The following MAL2 variants were observed in gnomAD, a reference collection of about 807,000 sequenced individuals.
MAL2 encodes the protein mal, T cell differentiation protein 2, also known as protein MAL2.
In MAL2, 17 loss-of-function variants were observed where a neutral mutation model predicts 18.1. The ratio of observed to expected loss-of-function variants is 0.94; its 90% CI spans 0.64 to 1.41. The LOEUF (loss-of-function observed/expected upper bound fraction) is 1.41. Ranked by LOEUF, MAL2 falls within the 40% of genes most tolerant of loss-of-function variation. The probability of loss-of-function intolerance (pLI) is 0.00; values close to 1 mark genes in which losing one functional copy is unlikely to be tolerated. For synonymous variants in MAL2, 102 were observed against 102.3 expected, an observed-to-expected ratio of 1.00 and a Z score of 0.02; for missense variants, 222 against 231.9, an observed-to-expected ratio of 0.96 and a Z score of 0.28.
chr8:119,228,314 A>AAG (rs1817639375), intron 2 of MAL2, among the ~76,000 whole-genome samples: 2 of 152,226 alleles, frequency 1.3e-5, no homozygotes, highest in Admixed American at 1.3e-4. Flanking sequence ...TTTGGGGACA[A>AAG]GGACCCCTGA....
At position 119,221,697 on chromosome 8, in the gene MAL2, C is replaced by T. The variant is rs1227520071; in HGVS notation, c.243C>T (p.Leu81=). The stretch of plus-strand genomic sequence containing the variant: ...TGACAGCGTTTTTCTTTTCGCTCCT[C>T]TTTCTGGGCATGTTCCTCTCTGGCA... The part of the protein sequence containing the change: ...VSVTAFFFSL[L]FLGMFLSGMV... The change falls in exon 2 of 4, where the codon CTC becomes CTT. Residue 81 remains leucine (L), a synonymous_variant. Transcript: ENST00000614891. The T allele has an allele frequency of 1.2e-6, 2 of 1,613,924 alleles. No homozygotes were observed. Among genetic ancestry groups the T allele is most frequent in the East Asian group, 4.5e-5 (2 of 44,880 alleles).
chr8:119,243,513 A>G lies in MAL2; in HGVS notation c.*25A>G, dbSNP rs1818091823. The G allele has an allele frequency of 2.6e-6, 4 of 1,560,150 alleles. No individual in the cohort carries two copies. Among genetic ancestry groups the G allele is most frequent in the African/African-American group, 1.4e-5 (1 of 73,672 alleles). On this transcript the variant is annotated 3_prime_UTR_variant, in exon 4 of 4. Coordinates refer to ENST00000614891, the MANE Select transcript of MAL2 (RefSeq NM_052886.3). ...ACACTCCTTAGAAACTGGCAGTCGT[A>G]TGTTAGTTTCACTTGTCTACTTTAT...
intron 2 of MAL2, among the ~76,000 whole-genome samples, chr8:119,230,193 A>AT (rs957420581): frequency 6.6e-6 from 1 of 152,190 alleles, no homozygotes. Context: ...ACCTCCAGTG[A>AT]TTTTCACATT....
At chr8:119,210,638 T>G (rs748794650) in intron 1 of MAL2, among the ~76,000 whole-genome samples, 4 of 152,174 alleles carry the variant, frequency 2.6e-5, no homozygotes, top group Admixed American at 6.5e-5. Context: ...GTGAATTCTC[T>G]CTATCCGCTA....
At chr8:119,229,635 A>G (rs760430329) in intron 2 of MAL2, among the ~76,000 whole-genome samples, 18 of 152,142 alleles carry the variant, frequency 1.2e-4, no homozygotes, top group Non-Finnish European at 2.2e-4. Flanking sequence ...CTTTCTGAGC[A>G]AAGTGTGTAA....
At chr8:119,215,502 C>T (rs1817337562) in intron 1 of MAL2, 1 of 152,172 alleles carries the variant, frequency 6.6e-6, no homozygotes, top group South Asian at 2.1e-4. Context: ...ACTCTGACGT[C>T]ACAGTCTAGT....
At chr8:119,237,213 A>T (rs1025693989) in intron 2 of MAL2, among the ~76,000 whole-genome samples, 1 of 150,734 alleles carries the variant, frequency 6.6e-6, no homozygotes, top group African/African-American at 2.4e-5. Flanking sequence ...TCCTCGACAC[A>T]TACACTCTCC....
chr8:119,237,595 C>G (rs1269118880), intron 2 of MAL2, among the ~76,000 whole-genome samples: 1 of 151,758 alleles, frequency 6.6e-6, no homozygotes, highest in Non-Finnish European at 1.5e-5. Context: ...CCACCATGAT[C>G]AAGTGGGCTT....
chr8:119,217,221 C>T (rs1000517732), intron 1 of MAL2, among the ~76,000 whole-genome samples: 1 of 152,226 alleles, frequency 6.6e-6, no homozygotes, highest in Non-Finnish European at 1.5e-5. Context: ...TCAGCCAAGT[C>T]ATACCTTTCT....
chr8:119,233,077 G>A (rs1388655221), intron 2 of MAL2, among the ~76,000 whole-genome samples: 1 of 152,056 alleles, frequency 6.6e-6, no homozygotes, highest in Non-Finnish European at 1.5e-5. Context: ...GGGTGGTTGG[G>A]TACATAACAA....
At chr8:119,218,858 A>G (rs1817408785) in intron 1 of MAL2, among the ~76,000 whole-genome samples, 1 of 152,144 alleles carries the variant, frequency 6.6e-6, no homozygotes, top group Non-Finnish European at 1.5e-5. Context: ...TATCCTTTAT[A>G]TTTGCACATA....
rs1268340328 is a variant in MAL2, at chr8:119,243,991, A to C, written c.*503A>C. On this transcript the variant is annotated 3_prime_UTR_variant, in exon 4 of 4. Coordinates refer to ENST00000614891, the MANE Select transcript of MAL2 (RefSeq NM_052886.3). Reference sequence around the variant, plus strand: ...CTTCACGGTCCATACAGTCTCTGTCACAACTATTCAGTTCTGCTAGTATAG... The same window carrying C: ...CTTCACGGTCCATACAGTCTCTGTCCCAACTATTCAGTTCTGCTAGTATAG... 6.6e-6 allele frequency: 1 copy of C among 152,338 alleles called. No homozygotes were observed. Among genetic ancestry groups the C allele is most frequent in the Non-Finnish European group, 1.5e-5 (1 of 68,158 alleles). The allele number at this position is 152,338 out of a possible 1,614,324, so 9.4% of individuals were successfully genotyped here. A position where few individuals can be genotyped will look rare whatever the true frequency, so the allele number is the denominator to read the frequency against.
chr8:119,232,817 GATCTC>G (rs1184130111), intron 2 of MAL2, among the ~76,000 whole-genome samples: 2,219 of 152,132 alleles, frequency 0.015, 1 homozygote, highest in African/African-American at 0.051. Flanking sequence ...AATTAACATT[GATCTC>G]TATGGCATCT....
rs1818108292 is a variant in MAL2 at position 119,244,273 on chromosome 8, C to G, written c.*785C>G. ...TTGCCTTTGTGTTAATAGTCAAATA[C>G]TTACCTTTGGAGAATACTTACCTTT... is the stretch of plus-strand genomic sequence containing the variant. On this transcript the variant is annotated 3_prime_UTR_variant, in exon 4 of 4. Transcript: ENST00000614891. 6.6e-6 allele frequency: 1 copy of G among 152,114 alleles called. No homozygotes were observed. The highest frequency in any genetic ancestry group is 2.4e-5 in the African/African-American group (1 of 41,436). 9.4% of individuals were successfully genotyped at this position (152,114 alleles called of 1,614,324 possible).
At chr8:119,213,438 A>G (rs1817296190) in intron 1 of MAL2, among the ~76,000 whole-genome samples, 1 of 152,252 alleles carries the variant, frequency 6.6e-6, no homozygotes, top group South Asian at 2.1e-4. Context: ...GGAGCTGTCC[A>G]TGGACATAGT....
intron 1 of MAL2, 172 bp from the exon 2 acceptor site, chr8:119,221,415 A>G (rs535617080): frequency 2.8e-6 from 2 of 704,654 alleles, no homozygotes; most frequent in Non-Finnish European, 4.8e-6. Flanking sequence ...CACCTGAGGA[A>G]AGAAGGCATC....
intron 1 of MAL2, among the ~76,000 whole-genome samples, chr8:119,216,055 A>T (rs1817348192): frequency 6.6e-6 from 1 of 152,102 alleles, no homozygotes; most frequent in Non-Finnish European, 1.5e-5. Flanking sequence ...TATAACCATG[A>T]TGTTTCCTGT....
intron 2 of MAL2, among the ~76,000 whole-genome samples, chr8:119,232,299 A>T (rs1049204301): frequency 6.6e-6 from 1 of 152,150 alleles, no homozygotes; most frequent in African/African-American, 2.4e-5. Flanking sequence ...TTCCTCCAAA[A>T]GTTAATATTT....
chr8:119,229,259 CA>C lies in MAL2; in HGVS notation c.303+7503del, dbSNP rs1183383776. 7.3e-5 allele frequency among the ~76,000 whole-genome samples: 11 copies of C among 151,620 alleles called. 1 individual carries two copies. The highest frequency in any genetic ancestry group is 5.9e-5 in the Non-Finnish European group (4 of 67,962). On this transcript the variant is annotated intron_variant, in intron 2 of 3. Transcript: ENST00000614891. ...TTTTATCCCATGGCCCTGACAAGTA[CA>C]GTAGTCTATTTGCTATTGATCATCA...
Sources: gnomAD v4.1 joint callset for allele counts (sites outside exome capture counted in the v4.1 genomes callset) on GRCh38, gnomAD v4.1.1 for gene constraint, MANE v1.5 for transcripts, NCBI Gene and HGNC (gene_info 2026-07-23, HGNC 2026-07-21) for gene names.